CDC37: variants seen among roughly 807,000 people sequenced by gnomAD.
CDC37 encodes hsp90 co-chaperone Cdc37.
In CDC37, 9 loss-of-function variants were observed where a neutral mutation model predicts 46.9. The observed-to-expected ratio is 0.19, with a 90% CI of 0.12 to 0.33. CDC37 has a LOEUF of 0.33. Ranked by LOEUF, CDC37 falls within the 10% of genes least tolerant of loss-of-function variation. CDC37 has a pLI of 1.00. For missense variants in CDC37, 388 were observed against 514.6 expected, an observed-to-expected ratio of 0.75 and a Z score of 2.38; for synonymous variants, 193 against 191.0, an observed-to-expected ratio of 1.01 and a Z score of -0.09.
intron 1 of CDC37, among the ~76,000 whole-genome samples, chr19:10,401,032 G>A (rs1373923232): frequency 6.6e-6 from 1 of 152,242 alleles, no homozygotes; most frequent in Non-Finnish European, 1.5e-5. Context: ...CGCAGCACGT[G>A]AGTGATACAG....
In CDC37 at chr19:10,393,496, G is replaced by A; in HGVS notation, c.727-55C>T. The A allele has an allele frequency of 6.5e-7, 1 of 1,546,074 alleles. No homozygotes were observed. The highest frequency in any genetic ancestry group is 8.7e-7 in the Non-Finnish European group (1 of 1,144,260). ...CTGGCCCAACGCTCAGGAGGGACTG[G>A]GGGGCCCAGGACCCTCCAGCCACAG... is the stretch of plus-strand genomic sequence containing the variant. On this transcript the variant is annotated intron_variant, in intron 5 of 7. Coordinates refer to ENST00000222005, the MANE Select transcript of CDC37 (RefSeq NM_007065.4). This position sits in a 1 kb window ranked among gnomAD's most constrained non-coding sequence, Gnocchi z 4.9.
At chr19:10,403,025 T>C (rs2042528128) in intron 1 of CDC37, among the ~76,000 whole-genome samples, 1 of 151,744 alleles carries the variant, frequency 6.6e-6, no homozygotes, top group Non-Finnish European at 1.5e-5. Flanking sequence ...CTAGAAGAAT[T>C]TGGGGTCCAA....
intron 5 of CDC37, among the ~76,000 whole-genome samples, chr19:10,394,417 C>G (rs2042476387): frequency 6.6e-6 from 1 of 152,144 alleles, no homozygotes; most frequent in South Asian, 2.1e-4. Context: ...AGTGGCAAAC[C>G]ACAGCTCAAA....
chr19:10,391,418 T>C lies in CDC37; in HGVS notation c.*133A>G. 9.5e-7 allele frequency: 1 copy of C among 1,049,774 alleles called. No homozygotes were observed. The allele number at this position is 1,049,774 out of a possible 1,614,324, so 65.0% of individuals were successfully genotyped here. A position where few individuals can be genotyped will look rare whatever the true frequency, so the allele number is the denominator to read the frequency against. On this transcript the variant is annotated 3_prime_UTR_variant, in exon 8 of 8. Coordinates refer to ENST00000222005, the MANE Select transcript of CDC37 (RefSeq NM_007065.4). ...AGACAGTGGAGAGGCCAGGGAGGGC[T>C]GGGCGGGCCCCCCAGGCTGGGCCGA...
chr19:10,399,211 G>A (rs1196816185), intron 1 of CDC37, among the ~76,000 whole-genome samples: 1 of 152,102 alleles, frequency 6.6e-6, no homozygotes, highest in African/African-American at 2.4e-5. Context: ...GCTCACTCCT[G>A]TAATCCCAAC....
rs769403695 is a variant in CDC37, at chr19:10,395,288, C to A, written c.543G>T (p.Leu181=). 4 of 1,614,042 alleles carry A rather than the reference C, an allele frequency of 2.5e-6. No homozygotes were observed. ...GGTAATTGGCTGTCTCCTCGCACAC[C>A]AGGTGGACGTTGTCTGACAGGTACT... ...SQKYLSDNVH[L]VCEETANYLV... Residue 181 remains leucine, a synonymous_variant, in exon 4 of 8, where the codon CTG becomes CTT. Transcript: ENST00000222005.
rs753465225 is a variant in CDC37, at chr19:10,398,966, C to T, written c.103-2763G>A. Among the ~76,000 whole-genome samples the T allele has an allele frequency of 6.6e-6, 1 of 152,140 alleles. No homozygotes were observed. The highest frequency in any genetic ancestry group is 1.5e-5 in the Non-Finnish European group (1 of 68,030). ...AACTCTATGGAAAATGCTTCCAAAA[C>T]AGCCCTCAGTAGGTGTGTCCCACTG... On this transcript the variant is annotated intron_variant, in intron 1 of 7. Coordinates refer to ENST00000222005, the MANE Select transcript of CDC37 (RefSeq NM_007065.4). This position sits in a 1 kb window ranked among gnomAD's most constrained non-coding sequence, Gnocchi z 4.2.
At chr19:10,399,119 G>A (rs769558392) in intron 1 of CDC37, among the ~76,000 whole-genome samples, 4 of 152,086 alleles carry the variant, frequency 2.6e-5, no homozygotes, top group Non-Finnish European at 4.4e-5. Context: ...TAATACCCCA[G>A]GGGACTGACA....
At chr19:10,397,884 G>A (rs907363420) in intron 1 of CDC37, among the ~76,000 whole-genome samples, 5 of 152,002 alleles carry the variant, frequency 3.3e-5, no homozygotes, top group South Asian at 2.1e-4. Context: ...CCTTATAACA[G>A]TGCCTCATCT....
In CDC37 at chr19:10,391,231, C is replaced by T. The variant is rs554017163; in HGVS notation, c.*320G>A. ...GAAAACAGAGCCCAGTGACGAGAGC[C>T]GGCCCCTTGGCTGGGGACCCTCCCC... On this transcript the variant is annotated 3_prime_UTR_variant, in exon 8 of 8. Transcript: ENST00000222005. 78 of 397,310 alleles carry T rather than the reference C, an allele frequency of 2.0e-4. 1 individual carries two copies. The highest frequency in any genetic ancestry group is 1.1e-3 in the South Asian group (43 of 37,554). The allele number at this position is 397,310 out of a possible 1,614,324, so 24.6% of individuals were successfully genotyped here. A position where few individuals can be genotyped will look rare whatever the true frequency, so the allele number is the denominator to read the frequency against.
rs755960486 is a variant in CDC37, at chr19:10,395,310, T to G, written c.521A>C (p.Tyr174Ser). 1 of 1,614,008 alleles carries G rather than the reference T, an allele frequency of 6.2e-7. No individual in the cohort carries two copies. Residue 174 changes from tyrosine to serine, a missense_variant, in exon 4 of 8, where the codon TAC becomes TCC. Transcript: ENST00000222005. ...MLRRWDDSQK[Y>S]LSDNVHLVCE... Reference sequence around the variant, plus strand: ...CACCAGGTGGACGTTGTCTGACAGGTACTTTTGGCTGTCATCCCAGCGGCG... The same window carrying G: ...CACCAGGTGGACGTTGTCTGACAGGGACTTTTGGCTGTCATCCCAGCGGCG...
At position 10,398,916 on chromosome 19, in the gene CDC37, G is replaced by T. The variant is rs2042504546; in HGVS notation, c.103-2713C>A. On this transcript the variant is annotated intron_variant, in intron 1 of 7. Coordinates refer to ENST00000222005, the MANE Select transcript of CDC37 (RefSeq NM_007065.4). The surrounding 1 kb of genome is among the most constrained non-coding windows in gnomAD (Gnocchi z 4.2). ...CCCCTCTGTGAAATGGAGTCTCACA[G>T]GATCGCCGTGAGAACTGAATGACTA... Among the ~76,000 whole-genome samples, 1 of 152,196 alleles carries T rather than the reference G, an allele frequency of 6.6e-6. No homozygotes were observed. Among genetic ancestry groups the T allele is most frequent in the Admixed American group, 6.5e-5 (1 of 15,284 alleles).
intron 5 of CDC37, among the ~76,000 whole-genome samples, chr19:10,394,423 T>A (rs1056866599): frequency 6.6e-6 from 1 of 152,138 alleles, no homozygotes; most frequent in Non-Finnish European, 1.5e-5. Context: ...AAACCACAGC[T>A]CAAACTCCTG....
rs981711168 is a variant in CDC37 at position 10,398,390 on chromosome 19, C to T, written c.103-2187G>A. Among the ~76,000 whole-genome samples, 5 of 152,224 alleles carry T rather than the reference C, an allele frequency of 3.3e-5. No homozygotes were observed. In the East Asian group the frequency reaches 9.6e-4, roughly 29 times the overall value. ...GCTCCCTGCCTGAGGCACCACTGAT[C>T]CCTAAAGGACCTCCTGTGACCATCT... On this transcript the variant is annotated intron_variant, in intron 1 of 7. Coordinates refer to ENST00000222005, the MANE Select transcript of CDC37 (RefSeq NM_007065.4). This position sits in a 1 kb window ranked among gnomAD's most constrained non-coding sequence, Gnocchi z 4.2.
In CDC37 at chr19:10,391,591, G is replaced by A. The variant is rs1214056374; in HGVS notation, c.1097C>T (p.Ala366Val). ...CTTCTCATCGCCCGTCTTGGGAACA[G>A]CTTCCAGTAATGGGTCCCCAGGACC... ...EAGPGDPLLEAVPKTGDEKDV... is the reference protein window; with the variant it reads ...EAGPGDPLLEVVPKTGDEKDV... Residue 366 changes from alanine (A) to valine (V), a missense_variant, in exon 8 of 8, where the codon GCT (alanine) becomes GTT (valine). Transcript: ENST00000222005. 6.2e-7 allele frequency: 1 copy of A among 1,614,248 alleles called. No individual in the cohort carries two copies. Among genetic ancestry groups the A allele is most frequent in the Non-Finnish European group, 8.5e-7 (1 of 1,180,052 alleles).
Position 10,393,601 on chromosome 19 carries a change from C to CGG in CDC37, c.727-162_727-161dup. The CGG allele has an allele frequency of 1.4e-6, 1 of 696,706 alleles. No individual in the cohort carries two copies. Among genetic ancestry groups the CGG allele is most frequent in the Non-Finnish European group, 2.3e-6 (1 of 439,014 alleles). 43.2% of individuals were successfully genotyped at this position (696,706 alleles called of 1,614,324 possible). ...CTCCCCAAGGCCTGGGCTCCCCCGC[C>CGG]GGGGACCTCATCTGGCATTTGCCAA... is the stretch of plus-strand genomic sequence containing the variant. On this transcript the variant is annotated intron_variant, in intron 5 of 7. Transcript: ENST00000222005. The surrounding 1 kb of genome is among the most constrained non-coding windows in gnomAD (Gnocchi z 4.9).
intron 1 of CDC37, among the ~76,000 whole-genome samples, chr19:10,397,575 T>C (rs2042498911): frequency 6.6e-6 from 1 of 151,624 alleles, no homozygotes; most frequent in Non-Finnish European, 1.5e-5. Context: ...CACGCCTGGG[T>C]AATTTTGTAT....
rs1218750631 is a variant in CDC37, at chr19:10,396,986, C to T, written c.103-783G>A. Among the ~76,000 whole-genome samples the T allele has an allele frequency of 6.6e-6, 1 of 152,176 alleles. No homozygotes were observed. Among genetic ancestry groups the T allele is most frequent in the Non-Finnish European group, 1.5e-5 (1 of 68,032 alleles). On this transcript the variant is annotated intron_variant, in intron 1 of 7. Transcript: ENST00000222005. This position sits in a 1 kb window ranked among gnomAD's most constrained non-coding sequence, Gnocchi z 5.9. ...CCATGGCACCCGTGCCATCTGGGCTCCATGTTGCCTTAGCGAGGACCCCTT... is the reference window on the plus strand; with the variant it reads ...CCATGGCACCCGTGCCATCTGGGCTTCATGTTGCCTTAGCGAGGACCCCTT...
chr19:10,391,729 T>A (rs2042458345), intron 7 of CDC37, 23 bp from the exon 8 acceptor site: 1 of 1,606,886 alleles, frequency 6.2e-7, no homozygotes, highest in Non-Finnish European at 8.5e-7. Flanking sequence ...GGCAGGCAGA[T>A]GAGGTGGGGC....
Sources: gnomAD v4.1 joint callset for allele counts (sites outside exome capture counted in the v4.1 genomes callset) on GRCh38, gnomAD v4.1.1 for gene constraint, Gnocchi (gnomAD v3.1) non-coding constraint, MANE v1.5 for transcripts, NCBI Gene and HGNC (gene_info 2026-07-23, HGNC 2026-07-21) for gene names.